Variants in NTNG2 observed in about 807,000 individuals in gnomAD.
NTNG2 encodes the protein netrin-G2.
NTNG2 carries 15 observed loss-of-function variants against 47.6 expected under a neutral mutation model. The observed-to-expected ratio is 0.32, with a 90% CI of 0.21 to 0.49. NTNG2 has a LOEUF of 0.49. Among genes scored for constraint, NTNG2 ranks in the 20% least tolerant of loss-of-function variants. The probability of loss-of-function intolerance (pLI) is 0.99; values close to 1 mark genes in which losing one functional copy is unlikely to be tolerated. For missense variants in NTNG2, 578 were observed against 764.6 expected (o/e 0.76, Z 2.88); for synonymous variants, 307 against 324.6 (o/e 0.95, Z 0.58).
chr9:132,216,414 C>CTCTCTCTCTCTCTGTGTGTG (rs1554790515), intron 3 of NTNG2, among the ~76,000 whole-genome samples: 4 of 110,332 alleles, frequency 3.6e-5, no homozygotes, highest in African/African-American at 1.9e-4. Flanking sequence ...CTCTCTCTCT[C>CTCTCTCTCTCTCTGTGTGTG]TGTGTGTGTG....
chr9:132,202,331 C>T (rs916296207), intron 3 of NTNG2, among the ~76,000 whole-genome samples: 5 of 152,142 alleles, frequency 3.3e-5, no homozygotes, highest in African/African-American at 1.2e-4. Context: ...AGCCCAGGGC[C>T]CTGGGAAGGA....
At chr9:132,198,727 A>G (rs1838515064) in intron 3 of NTNG2, 118 bp downstream of exon 3, 1 of 1,102,664 alleles carries the variant, frequency 9.1e-7, no homozygotes, top group South Asian at 1.6e-5. Context: ...GGTTCTTGGG[A>G]TGTTACCTGG....
intron 2 of NTNG2, among the ~76,000 whole-genome samples, chr9:132,168,135 A>G (rs949476913): frequency 2.0e-5 from 3 of 152,210 alleles, no homozygotes; most frequent in Non-Finnish European, 4.4e-5. Context: ...GGGTAAAGGC[A>G]TCTGGCCAAG....
chr9:132,211,135 C>G (rs912064083), intron 3 of NTNG2, among the ~76,000 whole-genome samples: 26 of 152,204 alleles, frequency 1.7e-4, no homozygotes, highest in African/African-American at 6.3e-4. Context: ...GCCCTGGGCT[C>G]AGGGCTTCTC....
chr9:132,241,728 G>C, intron 7 of NTNG2, 148 bp from the exon 8 acceptor site: 1 of 577,976 alleles, frequency 1.7e-6, no homozygotes, highest in Non-Finnish European at 2.9e-6. Context: ...TCCGAGGGGG[G>C]ACGTTTCGCA....
intron 5 of NTNG2, among the ~76,000 whole-genome samples, chr9:132,234,811 T>C (rs112105333): frequency 6.6e-6 from 1 of 152,354 alleles, no homozygotes; most frequent in African/African-American, 2.4e-5. Context: ...CTGAACATCA[T>C]ATTAAAGTCA....
chr9:132,165,281 C>A (rs1835431068), intron 1 of NTNG2, among the ~76,000 whole-genome samples: 2 of 152,062 alleles, frequency 1.3e-5, no homozygotes, highest in African/African-American at 4.8e-5. Flanking sequence ...ATTCATGTAA[C>A]TGGTATCTAT....
At position 132,162,555 on chromosome 9, in the gene NTNG2, T is replaced by TGA. The variant is rs1554775835; in HGVS notation, c.-484+325_-484+326dup. On this transcript the variant is annotated intron_variant, in intron 1 of 7. Coordinates refer to ENST00000393229, the MANE Select transcript of NTNG2 (RefSeq NM_032536.4). The surrounding 1 kb of genome is among the most constrained non-coding windows in gnomAD (Gnocchi z 4.6). Reference sequence around the variant, plus strand: ...GTGAGAGTGTGTGTGTGTGTGTGTGTGAGAGAGAGACAGAGTGTGTGTGTG... The same window carrying TGA: ...GTGAGAGTGTGTGTGTGTGTGTGTGTGAGAGAGAGAGACAGAGTGTGTGTGTG... Among the ~76,000 whole-genome samples the TGA allele has an allele frequency of 5.2e-3, 723 of 139,462 alleles. 20 individuals carry two copies. Among genetic ancestry groups the TGA allele is most frequent in the African/African-American group, 0.018 (670 of 36,854 alleles). The allele number at this position is 139,462 out of a possible 152,430, so 91.5% of individuals were successfully genotyped here. A position where few individuals can be genotyped will look rare whatever the true frequency, so the allele number is the denominator to read the frequency against.
rs184787287 is a variant in NTNG2 at position 132,180,138 on chromosome 9, C to T, written c.213+13094C>T. Reference sequence around the variant, plus strand: ...TTCAGCCCCTCATTCCACTTCCCTCCTGCTGCCCAAGTCATTCGTCCACTT... The same window carrying T: ...TTCAGCCCCTCATTCCACTTCCCTCTTGCTGCCCAAGTCATTCGTCCACTT... On this transcript the variant is annotated intron_variant, in intron 2 of 7. Coordinates refer to ENST00000393229, the MANE Select transcript of NTNG2 (RefSeq NM_032536.4). This position sits in a 1 kb window ranked among gnomAD's most constrained non-coding sequence, Gnocchi z 4.2. 2.2e-3 allele frequency among the ~76,000 whole-genome samples: 337 copies of T among 152,342 alleles called. 4 individuals carry two copies. The highest frequency in any genetic ancestry group is 7.5e-3 in the African/African-American group (310 of 41,580).
Position 132,234,649 on chromosome 9 carries a change from CG to C in NTNG2, c.1054+4056del, listed in dbSNP as rs1564444073. 8.5e-5 allele frequency among the ~76,000 whole-genome samples: 13 copies of C among 152,350 alleles called. No homozygotes were observed. In the East Asian group the frequency reaches 2.5e-3, roughly 29 times the overall value. ...GCTGTCTGGAGGACAGCGCTGCGGG[CG>C]GAAAACGCCGCTGGAGACACTAATC... On this transcript the variant is annotated intron_variant, in intron 5 of 7. Coordinates refer to ENST00000393229, the MANE Select transcript of NTNG2 (RefSeq NM_032536.4).
At chr9:132,202,234 A>G (rs747248269) in intron 3 of NTNG2, among the ~76,000 whole-genome samples, 2 of 152,202 alleles carry the variant, frequency 1.3e-5, no homozygotes, top group Middle Eastern at 3.2e-3. Flanking sequence ...GGGGACCCCA[A>G]TGGCAGGCAG....
intron 3 of NTNG2, among the ~76,000 whole-genome samples, chr9:132,216,660 C>T (rs576144590): frequency 3.3e-5 from 5 of 152,100 alleles, no homozygotes; most frequent in Admixed American, 6.6e-5. Flanking sequence ...AGTGCTGTGT[C>T]GGGGGATCAG....
chr9:132,185,371 A>C (rs1411798694), intron 2 of NTNG2, among the ~76,000 whole-genome samples: 1 of 152,120 alleles, frequency 6.6e-6, no homozygotes, highest in Non-Finnish European at 1.5e-5. Context: ...AGAGGCAGCT[A>C]CCAAGCGCCC....
At position 132,231,894 on chromosome 9, in the gene NTNG2, G is replaced by C. The variant is rs1841256220; in HGVS notation, c.1054+1299G>C. On this transcript the variant is annotated intron_variant, in intron 5 of 7. Transcript: ENST00000393229. The surrounding 1 kb of genome is among the most constrained non-coding windows in gnomAD (Gnocchi z 4.1). ...GAGGGTCGGCAGCCCTGGGCAGAGA[G>C]CAGGGGCTTGGCTCTTAGAATAGAG... is the stretch of plus-strand genomic sequence containing the variant. The C allele has an allele frequency of 6.4e-6, 1 of 156,134 alleles. No homozygotes were observed. Among genetic ancestry groups the C allele is most frequent in the Admixed American group, 6.2e-5 (1 of 16,220 alleles). 9.7% of individuals were successfully genotyped at this position (156,134 alleles called of 1,614,324 possible).
intron 2 of NTNG2, among the ~76,000 whole-genome samples, chr9:132,187,541 A>AAC (rs5900969): frequency 0.11 from 15,575 of 147,352 alleles, 856 homozygotes; most frequent in Middle Eastern, 0.15. Context: ...GAGAATGAGA[A>AAC]ACACACACAC....
intron 2 of NTNG2, among the ~76,000 whole-genome samples, chr9:132,172,564 C>T (rs369462666): frequency 2.6e-5 from 4 of 152,138 alleles, no homozygotes; most frequent in African/African-American, 9.7e-5. Flanking sequence ...GGACTGTGAG[C>T]TCCTCAAAGG....
chr9:132,194,781 A>AG (rs1226653848), intron 2 of NTNG2, among the ~76,000 whole-genome samples: 1 of 152,190 alleles, frequency 6.6e-6, no homozygotes, highest in Non-Finnish European at 1.5e-5. Context: ...CAATGAACCG[A>AG]GGGTCAGCCC....
intron 2 of NTNG2, among the ~76,000 whole-genome samples, chr9:132,189,068 C>T (rs890980279): frequency 0.043 from 3,958 of 92,552 alleles, 58 homozygotes; most frequent in East Asian, 0.055. Flanking sequence ...TTAAGCCTTT[C>T]TTTTTTTTTT....
Position 132,184,513 on chromosome 9 carries a change from T to C in NTNG2, c.214-13453T>C, listed in dbSNP as rs1482103676. On this transcript the variant is annotated intron_variant, in intron 2 of 7. Coordinates refer to ENST00000393229, the MANE Select transcript of NTNG2 (RefSeq NM_032536.4). Reference sequence around the variant, plus strand: ...GGGTGTTTTCCCTGAGGAAAAGAAATTTAAGCAGACACCTGCCAAAGGCTG... The same window carrying C: ...GGGTGTTTTCCCTGAGGAAAAGAAACTTAAGCAGACACCTGCCAAAGGCTG... Among the ~76,000 whole-genome samples, 6 of 152,280 alleles carry C rather than the reference T, an allele frequency of 3.9e-5. No individual in the cohort carries two copies. In the East Asian group the frequency reaches 9.7e-4, roughly 25 times the overall value.
Sources: allele counts gnomAD v4.1 joint callset (sites outside exome capture counted in the v4.1 genomes callset), GRCh38; gene constraint gnomAD v4.1.1; non-coding constraint Gnocchi (gnomAD v3.1); transcripts MANE v1.5; gene names NCBI Gene and HGNC (gene_info 2026-07-23, HGNC 2026-07-21).